GARIN5B: variants seen among roughly 807,000 people sequenced by gnomAD.
The protein encoded by GARIN5B is Golgi-associated RAB2 interactor protein 5B.
the GARIN5B span, chr19:55,358,499 G>C: frequency 6.5e-7 from 1 of 1,536,096 alleles, no homozygotes. Flanking sequence ...TGGCCCCTTG[G>C]GGTCCCAGGG....
At chr19:55,359,882 A>G in the GARIN5B span, 6 of 1,551,408 alleles carry the variant, frequency 3.9e-6, no homozygotes, top group African/African-American at 8.2e-5. Flanking sequence ...GCAGGAGCCC[A>G]GAAAGAAGCC....
At chr19:55,355,846 C>T in the GARIN5B span, among the ~76,000 whole-genome samples, 5 of 150,970 alleles carry the variant, frequency 3.3e-5, no homozygotes, top group African/African-American at 1.2e-4. Context: ...ATTAGCCAGG[C>T]GTGTTGGTGC....
the GARIN5B span, among the ~76,000 whole-genome samples, chr19:55,360,477 G>GGGCCTGGGCCCT: frequency 7.0e-6 from 1 of 143,082 alleles, no homozygotes; most frequent in Non-Finnish European, 1.5e-5. Context: ...CTCAGATCTA[G>GGGCCTGGGCCCT]GAGTCCAGGC....
chr19:55,358,018 C>A, the GARIN5B span: 1 of 1,092,556 alleles, frequency 9.2e-7, no homozygotes, highest in Non-Finnish European at 1.2e-6. Flanking sequence ...CATACCACCG[C>A]ACTCCAGCCT....
chr19:55,358,834 C>G, the GARIN5B span: 2 of 1,546,596 alleles, frequency 1.3e-6, no homozygotes, highest in African/African-American at 2.7e-5. Context: ...CCTCGACGGC[C>G]AGTTCCTTGG....
chr19:55,361,331 G>A, the GARIN5B span: 1 of 1,541,832 alleles, frequency 6.5e-7, no homozygotes, highest in East Asian at 2.5e-5. Flanking sequence ...CCAAGGAAGG[G>A]GGAAGAGCCA....
chr19:55,355,318 C>T, the GARIN5B span: 2 of 1,550,424 alleles, frequency 1.3e-6, no homozygotes, highest in Non-Finnish European at 1.7e-6. Context: ...CCGCATCCGG[C>T]CACTCGGAGT....
At chr19:55,357,302 ATTC>A in the GARIN5B span, among the ~76,000 whole-genome samples, 2 of 151,970 alleles carry the variant, frequency 1.3e-5, no homozygotes, top group African/African-American at 2.4e-5. Flanking sequence ...CGTCTCCATC[ATTC>A]TTCTGCTCCA....
chr19:55,361,205 G>A, the GARIN5B span: 43 of 1,551,048 alleles, frequency 2.8e-5, no homozygotes, highest in African/African-American at 8.2e-5. Flanking sequence ...AGCAGCCACC[G>A]TCTTATGCGG....
At chr19:55,360,660 G>A in the GARIN5B span, 2 of 1,548,868 alleles carry the variant, frequency 1.3e-6, no homozygotes, top group Admixed American at 2.0e-5. Context: ...CTCAGCTCTG[G>A]GGCCTGGGCC....
chr19:55,358,065 A>G, the GARIN5B span: 1 of 1,343,730 alleles, frequency 7.4e-7, no homozygotes, highest in Admixed American at 3.6e-5. Flanking sequence ...AAAAAAAAAA[A>G]AAGTGAAAGG....
the GARIN5B span, chr19:55,362,368 GT>G: frequency 6.4e-7 from 1 of 1,550,610 alleles, no homozygotes. Flanking sequence ...GGACCCAGCA[GT>G]GGAACAGGAA....
the GARIN5B span, chr19:55,360,565 C>G: frequency 9.8e-7 from 1 of 1,022,360 alleles, no homozygotes; most frequent in Non-Finnish European, 1.4e-6. Flanking sequence ...CCAGGCCCCC[C>G]ACCCCTCCTC....
At chr19:55,361,674 T>A in the GARIN5B span, among the ~76,000 whole-genome samples, 1 of 17,484 alleles carries the variant, frequency 5.7e-5, no homozygotes, top group African/African-American at 1.3e-4. Flanking sequence ...GACTCAGGGG[T>A]CCAGGCCTCA....
At chr19:55,359,145 C>T in the GARIN5B span, 8 of 1,551,052 alleles carry the variant, frequency 5.2e-6, no homozygotes, top group South Asian at 3.6e-5. Context: ...TCCAGCACGG[C>T]TCTTCCAGGA....
the GARIN5B span, among the ~76,000 whole-genome samples, chr19:55,356,605 T>G: frequency 6.6e-6 from 1 of 152,262 alleles, no homozygotes; most frequent in East Asian, 1.9e-4. Flanking sequence ...CAACTTTTTT[T>G]GTTTTCACAT....
chr19:55,355,480 C>T, the GARIN5B span: 2 of 808,940 alleles, frequency 2.5e-6, no homozygotes, highest in Non-Finnish European at 2.0e-6. Context: ...GTGTTTGGCT[C>T]ACTGTTGTAT....
the GARIN5B span, chr19:55,359,019 T>C: frequency 6.4e-7 from 1 of 1,551,216 alleles, no homozygotes; most frequent in East Asian, 2.4e-5. Context: ...GACTCCTTCT[T>C]GGTCACGGTG....
the GARIN5B span, chr19:55,362,825 G>A: frequency 6.8e-7 from 1 of 1,475,190 alleles, no homozygotes; most frequent in South Asian, 1.4e-5. Flanking sequence ...CACAGTGACT[G>A]CTAAATCCCG....
Sources: allele counts gnomAD v4.1 joint callset (sites outside exome capture counted in the v4.1 genomes callset), GRCh38; gene constraint gnomAD v4.1.1; transcripts MANE v1.5; gene names NCBI Gene and HGNC (gene_info 2026-07-23, HGNC 2026-07-21).